SLIT2: variants seen among roughly 807,000 people sequenced by gnomAD.
SLIT2 encodes slit guidance ligand 2, also known as slit homolog 2 protein.
SLIT2 carries 41 observed loss-of-function variants against 185.7 expected under a neutral mutation model. The observed-to-expected ratio is 0.22, with a 90% CI of 0.17 to 0.29. The LOEUF (loss-of-function observed/expected upper bound fraction) is 0.29. Among genes scored for constraint, SLIT2 ranks in the 10% least tolerant of loss-of-function variants. SLIT2 has a pLI of 1.00. For synonymous variants in SLIT2, 693 were observed against 680.2 expected, an observed-to-expected ratio of 1.02 and a Z score of -0.29; for missense variants, 1,571 against 1,909.0, an observed-to-expected ratio of 0.82 and a Z score of 3.30.
intron 6 of SLIT2, among the ~76,000 whole-genome samples, chr4:20,485,356 C>A (rs951571007): frequency 2.6e-5 from 4 of 151,942 alleles, no homozygotes; most frequent in African/African-American, 9.7e-5. Flanking sequence ...AAAATAATAG[C>A]CATTTGGGAA....
intron 8 of SLIT2, among the ~76,000 whole-genome samples, 196 bp downstream of exon 8, chr4:20,489,178 C>T (rs1485515814): frequency 6.6e-6 from 1 of 152,172 alleles, no homozygotes; most frequent in African/African-American, 2.4e-5. Flanking sequence ...GTACTGGTTA[C>T]TTGTATCTAA....
chr4:20,373,153 A>G (rs1723733846), intron 4 of SLIT2, among the ~76,000 whole-genome samples: 1 of 152,100 alleles, frequency 6.6e-6, no homozygotes, highest in Non-Finnish European at 1.5e-5. Flanking sequence ...TACAGAATTT[A>G]TAATCAAAAT....
At chr4:20,281,847 T>A (rs1342541218) in intron 4 of SLIT2, among the ~76,000 whole-genome samples, 2 of 152,246 alleles carry the variant, frequency 1.3e-5, no homozygotes, top group African/African-American at 4.8e-5. Context: ...AGAATAACGC[T>A]TGTAGCTACA....
chr4:20,256,929 G>A (rs971471111), intron 2 of SLIT2, among the ~76,000 whole-genome samples, 186 bp downstream of exon 2: 11 of 152,058 alleles, frequency 7.2e-5, no homozygotes, highest in Non-Finnish European at 8.8e-5. Flanking sequence ...TTTATTTTAA[G>A]GTTGGAAGCA....
At chr4:20,513,828 A>G (rs1180016676) in intron 11 of SLIT2, among the ~76,000 whole-genome samples, 4 of 151,974 alleles carry the variant, frequency 2.6e-5, no homozygotes, top group Admixed American at 6.6e-5. Flanking sequence ...ATGCAGATAT[A>G]TAGAGGAAAG....
intron 18 of SLIT2, among the ~76,000 whole-genome samples, chr4:20,536,412 G>T (rs186693604): frequency 3.2e-4 from 49 of 152,086 alleles, no homozygotes; most frequent in African/African-American, 1.1e-3. Flanking sequence ...ACAAAAATTA[G>T]CCGGGCATAG....
intron 33 of SLIT2, among the ~76,000 whole-genome samples, chr4:20,606,588 CAAT>C (rs778469628): frequency 3.9e-5 from 6 of 152,034 alleles, no homozygotes; most frequent in Non-Finnish European, 7.4e-5. Flanking sequence ...GAATTAATCT[CAAT>C]GATAAGTCTT....
intron 15 of SLIT2, among the ~76,000 whole-genome samples, chr4:20,525,495 C>A (rs1216251545): frequency 6.6e-6 from 1 of 152,088 alleles, no homozygotes; most frequent in Non-Finnish European, 1.5e-5. Flanking sequence ...CATTGTATAT[C>A]TGATCTTCCA....
chr4:20,580,992 T>G (rs903344399), intron 29 of SLIT2, among the ~76,000 whole-genome samples: 1 of 152,170 alleles, frequency 6.6e-6, no homozygotes, highest in African/African-American at 2.4e-5. Context: ...GTGGCATAAG[T>G]TGAAAGTTTT....
chr4:20,542,711 A>T, intron 21 of SLIT2, 85 bp downstream of exon 21: 1 of 1,363,594 alleles, frequency 7.3e-7, no homozygotes, highest in Admixed American at 1.9e-5. Flanking sequence ...AAAAATCTTT[A>T]CAATCTTCTT....
In SLIT2 at chr4:20,253,723, C is replaced by T; in HGVS notation, c.-93C>T. ...TGGCACTCTGGGTTGCTAGCCCCGC[C>T]GGGCACTGGGCCTCAGACACTGCGC... On this transcript the variant is annotated 5_prime_UTR_variant, in exon 1 of 37. Transcript: ENST00000504154. 3 of 1,467,238 alleles carry T rather than the reference C, an allele frequency of 2.0e-6. No individual in the cohort carries two copies. Among genetic ancestry groups the T allele is most frequent in the Non-Finnish European group, 2.8e-6 (3 of 1,082,990 alleles). 90.9% of individuals were successfully genotyped at this position (1,467,238 alleles called of 1,614,324 possible).
At chr4:20,428,035 T>G (rs1041641331) in intron 4 of SLIT2, among the ~76,000 whole-genome samples, 98 of 152,176 alleles carry the variant, frequency 6.4e-4, no homozygotes, top group African/African-American at 2.3e-3. Context: ...CGTTCATAAT[T>G]GTTCACAGCA....
At position 20,259,011 on chromosome 4, in the gene SLIT2, T is replaced by C. The variant is rs186233136; in HGVS notation, c.323+1072T>C. 1.9e-3 allele frequency among the ~76,000 whole-genome samples: 282 copies of C among 151,846 alleles called. 2 individuals carry two copies. The highest frequency in any genetic ancestry group is 6.7e-3 in the African/African-American group (277 of 41,538). On this transcript the variant is annotated intron_variant, in intron 3 of 36. Transcript: ENST00000504154. ...CCAAGATATTTATAAATATATAGAC[T>C]ATATTTTTATCACCTCAAGTAAAAC...
At chr4:20,472,294 A>ATATATATATC (rs377119024) in intron 5 of SLIT2, among the ~76,000 whole-genome samples, 1 of 37,244 alleles carries the variant, frequency 2.7e-5, no homozygotes, top group Non-Finnish European at 4.2e-5. Context: ...ATAGATATAT[A>ATATATATATC]GATATATAGA....
intron 3 of SLIT2, among the ~76,000 whole-genome samples, chr4:20,264,921 A>C (rs575274532): frequency 6.6e-6 from 1 of 151,914 alleles, no homozygotes; most frequent in Non-Finnish European, 1.5e-5. Context: ...CATGACTTAT[A>C]TATCACTATA....
chr4:20,451,438 A>G (rs1405053257), intron 4 of SLIT2, among the ~76,000 whole-genome samples: 1 of 152,208 alleles, frequency 6.6e-6, no homozygotes, highest in Admixed American at 6.5e-5. Flanking sequence ...ATAAGTCAGA[A>G]AAGGCTATAT....
intron 4 of SLIT2, among the ~76,000 whole-genome samples, chr4:20,339,090 C>CAAAAAAAAAAA (rs398051113): frequency 4.2e-5 from 3 of 70,748 alleles, no homozygotes; most frequent in East Asian, 4.7e-4. Flanking sequence ...GAGACACTCT[C>CAAAAAAAAAAA]AAAAAAAAAA....
chr4:20,539,262 A>G (rs1722586122), intron 18 of SLIT2, among the ~76,000 whole-genome samples, 179 bp from the exon 19 acceptor site: 1 of 152,186 alleles, frequency 6.6e-6, no homozygotes, highest in East Asian at 1.9e-4. Context: ...AACTCAAAGC[A>G]TTTTATTCTT....
At chr4:20,331,252 T>G (rs1485420739) in intron 4 of SLIT2, among the ~76,000 whole-genome samples, 1 of 152,264 alleles carries the variant, frequency 6.6e-6, no homozygotes, top group Admixed American at 6.5e-5. Context: ...TAGGAAAATA[T>G]TGATGCTATC....
Sources: allele counts gnomAD v4.1 joint callset (sites outside exome capture counted in the v4.1 genomes callset), GRCh38; gene constraint gnomAD v4.1.1; transcripts MANE v1.5; gene names NCBI Gene and HGNC (gene_info 2026-07-23, HGNC 2026-07-21).